GPR33: variants seen among roughly 807,000 people sequenced by gnomAD.
GPR33 encodes the protein G protein-coupled receptor 33.
In GPR33, 4 loss-of-function variants were observed where a neutral mutation model predicts 3.1. The ratio of observed to expected loss-of-function variants is 1.29; its 90% CI spans 0.64 to 2.96. The LOEUF (loss-of-function observed/expected upper bound fraction) is 2.96, where lower values mean the gene tolerates loss of function less well. GPR33 is among the 30% of genes most tolerant of loss of function. The probability of loss-of-function intolerance (pLI) is 0.01; values close to 1 mark genes in which losing one functional copy is unlikely to be tolerated. For synonymous variants in GPR33, 138 were observed against 142.0 expected (o/e 0.97, Z 0.20); for missense variants, 390 against 388.9 (o/e 1.00, Z -0.02).
At position 31,483,600 on chromosome 14, in the gene GPR33, G is replaced by C; in HGVS notation, c.366C>G (p.Ile122Met). The C allele has an allele frequency of 2.0e-6, 3 of 1,536,122 alleles. No individual in the cohort carries two copies. The highest frequency in any genetic ancestry group is 2.6e-6 in the Non-Finnish European group (3 of 1,146,912). Residue 122 changes from isoleucine to methionine, a missense_variant, in exon 2 of 2, where the codon ATC becomes ATG. Transcript: ENST00000399285. ...MFTSVFFLSAIGLDRYLLTLH... is the reference protein window; with the variant it reads ...MFTSVFFLSAMGLDRYLLTLH... ...GAGTGAGAAGGTAACGATCAAGACC[G>C]ATGGCCGAAAGGAAGAAAACAGAGG... is the stretch of plus-strand genomic sequence containing the variant.
intron 1 of GPR33, among the ~76,000 whole-genome samples, chr14:31,486,921 A>G (rs1402413101): frequency 6.6e-6 from 1 of 151,924 alleles, no homozygotes; most frequent in African/African-American, 2.4e-5. Flanking sequence ...GTCTGTGATC[A>G]GTGTATGTGT....
chr14:31,485,686 A>G (rs1452029251), intron 1 of GPR33, among the ~76,000 whole-genome samples: 2 of 152,018 alleles, frequency 1.3e-5, no homozygotes, highest in Non-Finnish European at 2.9e-5. Flanking sequence ...CCTGTGAAGC[A>G]AATCTTTGAA....
At chr14:31,484,647 A>G (rs1051480238) in intron 1 of GPR33, among the ~76,000 whole-genome samples, 3 of 152,160 alleles carry the variant, frequency 2.0e-5, no homozygotes, top group African/African-American at 7.2e-5. Context: ...AAACTTCTTG[A>G]ATAAGGCAAT....
chr14:31,483,196 C>CA lies in GPR33; in HGVS notation c.769dup (p.Cys257LeufsTer63), dbSNP rs1476327650. On this transcript the variant is annotated frameshift_variant, in exon 2 of 2. Coordinates refer to ENST00000399285, the MANE Select transcript of GPR33 (RefSeq NM_001197184.3). LOFTEE classifies it high-confidence loss of function. The stretch of plus-strand genomic sequence containing the variant: ...CTGGTGTATATGGTAGGGCATCCAA[C>CA]ACACAAAGAAAGAGATAATGGCAGT... The CA allele has an allele frequency of 6.5e-7, 1 of 1,536,116 alleles. No homozygotes were observed. Among genetic ancestry groups the CA allele is most frequent in the Admixed American group, 2.0e-5 (1 of 50,988 alleles).
At position 31,483,577 on chromosome 14, in the gene GPR33, G is replaced by A. The variant is rs759953723; in HGVS notation, c.389C>T (p.Thr130Ile). Reference sequence around the variant, plus strand: ...CTGCTGGGACCACACTGGGTGAAGAGTGAGAAGGTAACGATCAAGACCGAT... The same window carrying A: ...CTGCTGGGACCACACTGGGTGAAGAATGAGAAGGTAACGATCAAGACCGAT... ...SAIGLDRYLL[T>I]LHPVWSQQHR... The change falls in exon 2 of 2, where the codon ACT becomes ATT. Residue 130 changes from threonine (T) to isoleucine (I), a missense_variant. By Grantham distance (89) the Thr-to-Ile change is moderately conservative (BLOSUM62 -1). Coordinates refer to ENST00000399285, the MANE Select transcript of GPR33 (RefSeq NM_001197184.3). 2.1e-5 allele frequency: 33 copies of A among 1,536,048 alleles called. No homozygotes were observed. The South Asian group carries it at 3.7e-4, about 17-fold the overall frequency.
chr14:31,484,995 G>A (rs1361257281), intron 1 of GPR33, among the ~76,000 whole-genome samples: 1 of 151,720 alleles, frequency 6.6e-6, no homozygotes, highest in Non-Finnish European at 1.5e-5. Context: ...GAGTGCAGTA[G>A]CATGATCTTG....
At position 31,483,600 on chromosome 14, in the gene GPR33, G is replaced by A. The variant is rs566493971; in HGVS notation, c.366C>T (p.Ile122=). 208 of 1,536,122 alleles carry A rather than the reference G, an allele frequency of 1.4e-4. 2 individuals are homozygous for A. In the South Asian group the frequency reaches 1.8e-3, roughly 13 times the overall value. The part of the protein sequence containing the change: ...MFTSVFFLSA[I]GLDRYLLTLH... ...GAGTGAGAAGGTAACGATCAAGACC[G>A]ATGGCCGAAAGGAAGAAAACAGAGG... Residue 122 remains isoleucine (I), a synonymous_variant, in exon 2 of 2, where the codon ATC becomes ATT. Coordinates refer to ENST00000399285, the MANE Select transcript of GPR33 (RefSeq NM_001197184.3).
chr14:31,483,527 T>C lies in GPR33; in HGVS notation c.439A>G (p.Ser147Gly). The C allele has an allele frequency of 6.5e-7, 1 of 1,536,144 alleles. No individual in the cohort carries two copies. Among genetic ancestry groups the C allele is most frequent in the East Asian group, 2.4e-5 (1 of 40,920 alleles). The change falls in exon 2 of 2, where the codon AGC becomes GGC. Residue 147 changes from serine (S) to glycine (G), a missense_variant. Coordinates refer to ENST00000399285, the MANE Select transcript of GPR33 (RefSeq NM_001197184.3). ...QQHRTPRWASSIVLGVWISAA... is the reference protein window; with the variant it reads ...QQHRTPRWASGIVLGVWISAA... ...GAAATCCAGACTCCCAGGACAATGC[T>C]GGAAGCCCAGCGCGGGGTTCGGTGC... is the stretch of plus-strand genomic sequence containing the variant.
In GPR33 at chr14:31,483,538, C is replaced by T. The variant is rs17097918; in HGVS notation, c.428G>A (p.Arg143His). The T allele has an allele frequency of 0.096, 146,753 of 1,536,020 alleles. 7,893 individuals carry two copies. The highest frequency in any genetic ancestry group is 0.11 in the Non-Finnish European group (126,255 of 1,146,888). Reference sequence around the variant, plus strand: ...TCCCAGGACAATGCTGGAAGCCCAGCGCGGGGTTCGGTGCTGCTGGGACCA... The same window carrying T: ...TCCCAGGACAATGCTGGAAGCCCAGTGCGGGGTTCGGTGCTGCTGGGACCA... Reference protein sequence around the residue: ...PVWSQQHRTPRWASSIVLGVW... With the variant: ...PVWSQQHRTPHWASSIVLGVW... The change falls in exon 2 of 2, where the codon CGC becomes CAC. Residue 143 changes from arginine (R) to histidine (H), a missense_variant. Physicochemically the swap from Arg to His is conservative, Grantham distance 29 (BLOSUM62 0). Transcript: ENST00000399285.
intron 1 of GPR33, 98 bp from the exon 2 acceptor site, chr14:31,484,069 C>G: frequency 1.1e-6 from 1 of 943,770 alleles, no homozygotes; most frequent in Non-Finnish European, 1.5e-6. Flanking sequence ...AGTGATACTT[C>G]TAGTCCAAAT....
intron 1 of GPR33, among the ~76,000 whole-genome samples, chr14:31,487,011 G>A (rs1347407462): frequency 6.6e-6 from 1 of 152,030 alleles, no homozygotes; most frequent in African/African-American, 2.4e-5. Flanking sequence ...GTGTGTATGT[G>A]TAGTGTTTGT....
Position 31,483,032 on chromosome 14 carries a change from T to C in GPR33, c.934A>G (p.Lys312Glu). 1.3e-6 allele frequency: 2 copies of C among 1,535,938 alleles called. No homozygotes were observed. The highest frequency in any genetic ancestry group is 8.7e-7 in the Non-Finnish European group (1 of 1,146,822). The change falls in exon 2 of 2, where the codon AAG (lysine) becomes GAG (glutamate). Residue 312 changes from lysine (K) to glutamate (E), a missense_variant. Lys to Glu is a moderately conservative substitution (Grantham distance 56). Coordinates refer to ENST00000399285, the MANE Select transcript of GPR33 (RefSeq NM_001197184.3). The part of the protein sequence containing the change: ...VGENFKKVFK[K>E]SILALFESTF... ...GACTCAAACAGAGCAAGAATGGACT[T>C]CTTGAAGACCTTTTTGAAATTCTCC...
At chr14:31,486,759 G>T (rs1205546116) in intron 1 of GPR33, among the ~76,000 whole-genome samples, 1 of 152,192 alleles carries the variant, frequency 6.6e-6, no homozygotes, top group East Asian at 1.9e-4. Context: ...TTTAAAAATA[G>T]GAATGTCTAA....
chr14:31,486,399 A>G (rs1014044717), intron 1 of GPR33, among the ~76,000 whole-genome samples: 1 of 152,220 alleles, frequency 6.6e-6, no homozygotes, highest in Non-Finnish European at 1.5e-5. Context: ...GTGCCCAGCC[A>G]TAATTGCTAT....
intron 1 of GPR33, among the ~76,000 whole-genome samples, chr14:31,486,561 A>G (rs1028540958): frequency 2.0e-5 from 3 of 152,204 alleles, no homozygotes; most frequent in African/African-American, 7.2e-5. Context: ...TGGACAGGCA[A>G]TGGCAAATAA....
chr14:31,487,293 A>C (rs1054130558), intron 1 of GPR33, among the ~76,000 whole-genome samples: 1 of 152,148 alleles, frequency 6.6e-6, no homozygotes, highest in Non-Finnish European at 1.5e-5. Flanking sequence ...ATGATGTTAA[A>C]GTACTTGAGA....
Position 31,484,074 on chromosome 14 carries a change from C to T in GPR33, c.-6-103G>A, listed in dbSNP as rs962092648. On this transcript the variant is annotated intron_variant, in intron 1 of 1. Transcript: ENST00000399285. ...TTTTTTACATAGTGATACTTCTAGT[C>T]CAAATGATAATATTTTAACAGCAGT... The T allele has an allele frequency of 7.7e-6, 7 of 912,922 alleles. No homozygotes were observed. In the Admixed American group the frequency reaches 1.3e-4, roughly 16 times the overall value. The allele number at this position is 912,922 out of a possible 1,614,324, so 56.6% of individuals were successfully genotyped here. A position where few individuals can be genotyped will look rare whatever the true frequency, so the allele number is the denominator to read the frequency against.
chr14:31,484,030 G>T (rs1339929961), intron 1 of GPR33, 59 bp from the exon 2 acceptor site: 3 of 1,358,638 alleles, frequency 2.2e-6, no homozygotes, highest in Non-Finnish European at 2.9e-6. Context: ...AAGGTTAAAT[G>T]TAAAAATTTA....
chr14:31,483,308 T>C lies in GPR33; in HGVS notation c.658A>G (p.Ile220Val). The change falls in exon 2 of 2, where the codon ATC (isoleucine) becomes GTC (valine). Residue 220 changes from isoleucine to valine, a missense_variant. By Grantham distance (29) the Ile-to-Val change is conservative. Coordinates refer to ENST00000399285, the MANE Select transcript of GPR33 (RefSeq NM_001197184.3). The part of the protein sequence containing the change: ...FLLGFLLPFF[I>V]IIFCYERVAS... ...ACTCTTTCATAACAAAAGATGATGA[T>C]GAAGAAAGGCAGAAGAAAGCCCAGC... The C allele has an allele frequency of 6.5e-7, 1 of 1,536,062 alleles. No homozygotes were observed. The highest frequency in any genetic ancestry group is 8.7e-7 in the Non-Finnish European group (1 of 1,146,902).
Sources: gnomAD v4.1 joint callset for allele counts (sites outside exome capture counted in the v4.1 genomes callset) on GRCh38, gnomAD v4.1.1 for gene constraint, MANE v1.5 for transcripts, NCBI Gene and HGNC (gene_info 2026-07-23, HGNC 2026-07-21) for gene names.